The following RANBP2 variants were observed in gnomAD, a reference collection of about 807,000 sequenced individuals.
The protein encoded by RANBP2 is E3 SUMO-protein ligase RanBP2.
Under a neutral mutation model 303.6 loss-of-function variants are expected in RANBP2, and 57 were observed. The observed-to-expected ratio is 0.19, with a 90% CI of 0.15 to 0.23. RANBP2 has a LOEUF of 0.23. Ranked by LOEUF, RANBP2 falls within the 10% of genes least tolerant of loss-of-function variation. The probability of loss-of-function intolerance (pLI) is 1.00; values close to 1 mark genes in which losing one functional copy is unlikely to be tolerated. For missense variants in RANBP2, 3,138 were observed against 3,780.8 expected (o/e 0.83, Z 4.46); for synonymous variants, 1,167 against 1,301.5 (o/e 0.90, Z 2.23).
chr2:108,810,288 A>G, the RANBP2 span, among the ~76,000 whole-genome samples: 1 of 152,178 alleles, frequency 6.6e-6, no homozygotes, highest in Non-Finnish European at 1.5e-5. Flanking sequence ...TTTGTTATAT[A>G]TAGCTTTTAA....
chr2:109,639,901 G>A, the RANBP2 span, among the ~76,000 whole-genome samples: 1 of 151,398 alleles, frequency 6.6e-6, no homozygotes, highest in Admixed American at 6.6e-5. Context: ...AGTAGAGATA[G>A]GGTTTCACCA....
chr2:109,409,103 G>A, the RANBP2 span, among the ~76,000 whole-genome samples: 1 of 152,180 alleles, frequency 6.6e-6, no homozygotes, highest in South Asian at 2.1e-4. Flanking sequence ...AACTGGAGTC[G>A]GGTTGTGGAT....
At chr2:109,587,129 G>GA in the RANBP2 span, among the ~76,000 whole-genome samples, 1 of 152,242 alleles carries the variant, frequency 6.6e-6, no homozygotes, top group East Asian at 1.9e-4. Flanking sequence ...GAATCTACAG[G>GA]AAAAAGATGG....
chr2:109,416,559 A>G, the RANBP2 span, among the ~76,000 whole-genome samples: 1 of 151,608 alleles, frequency 6.6e-6, no homozygotes, highest in African/African-American at 2.4e-5. Flanking sequence ...TAATTTTTGT[A>G]TTTTTAGTAG....
the RANBP2 span, among the ~76,000 whole-genome samples, chr2:108,954,606 GTC>G: frequency 6.6e-6 from 1 of 151,876 alleles, no homozygotes; most frequent in African/African-American, 2.4e-5. Context: ...TGAATTCTGT[GTC>G]TCTGTCTGCT....
chr2:109,735,934 G>A, the RANBP2 span, among the ~76,000 whole-genome samples: 4 of 152,140 alleles, frequency 2.6e-5, no homozygotes, highest in Non-Finnish European at 5.9e-5. Context: ...AAATTGCAAA[G>A]CCTCAACATG....
chr2:109,280,153 C>G, the RANBP2 span, among the ~76,000 whole-genome samples: 3 of 152,216 alleles, frequency 2.0e-5, no homozygotes, highest in South Asian at 6.2e-4. Flanking sequence ...CTGTCAGAAT[C>G]ATAAAGAGCT....
the RANBP2 span, among the ~76,000 whole-genome samples, chr2:108,981,292 G>A: frequency 6.6e-6 from 1 of 152,286 alleles, no homozygotes; most frequent in African/African-American, 2.4e-5. Context: ...TCTTTCCAGA[G>A]CCGCACCCGC....
chr2:109,142,729 C>T, the RANBP2 span, among the ~76,000 whole-genome samples: 9 of 152,162 alleles, frequency 5.9e-5, no homozygotes, highest in Admixed American at 1.3e-4. Context: ...ATTTTCTGAT[C>T]GTTGGTGTCC....
the RANBP2 span, among the ~76,000 whole-genome samples, chr2:109,611,042 G>A: frequency 6.6e-6 from 1 of 152,132 alleles, no homozygotes; most frequent in African/African-American, 2.4e-5. Flanking sequence ...ACACAAATAT[G>A]CTCAACTGAC....
chr2:109,128,746 C>T, the RANBP2 span: 2 of 181,296 alleles, frequency 1.1e-5, no homozygotes, highest in Non-Finnish European at 2.3e-5. Context: ...AACTTTCCTT[C>T]GCAGCAGCGT....
chr2:109,646,170 G>A, the RANBP2 span, among the ~76,000 whole-genome samples: 2 of 152,060 alleles, frequency 1.3e-5, no homozygotes, highest in Non-Finnish European at 2.9e-5. Flanking sequence ...CTTCTCCCAG[G>A]TGACTGTCCC....
At chr2:109,764,531 G>A in the RANBP2 span, among the ~76,000 whole-genome samples, 749 of 149,936 alleles carry the variant, frequency 5.0e-3, 28 homozygotes, top group Middle Eastern at 0.024. Flanking sequence ...TAAGGCGTAG[G>A]TTGTACATAT....
Position 108,765,322 on chromosome 2 carries a change from C to T in RANBP2, c.4783C>T (p.Pro1595Ser), listed in dbSNP as rs2149276879. ...TGGTACTTCAGAGACAAGCAAGGCT[C>T]CAAAGAGCGGATTTGAGGGAATGTT... ...KFGTSETSKAPKSGFEGMFTK... is the reference protein window; with the variant it reads ...KFGTSETSKASKSGFEGMFTK... Residue 1595 changes from proline (P) to serine (S), a missense_variant, in exon 20 of 29, where the codon CCA (proline) becomes TCA (serine). Coordinates refer to ENST00000283195, the MANE Select transcript of RANBP2 (RefSeq NM_006267.5). The T allele has an allele frequency of 1.2e-6, 2 of 1,613,794 alleles. No homozygotes were observed.
At chr2:108,947,432 A>C in the RANBP2 span, among the ~76,000 whole-genome samples, 8 of 151,580 alleles carry the variant, frequency 5.3e-5, no homozygotes, top group African/African-American at 1.9e-4. Context: ...CCCAGTGGGG[A>C]CTCTGTGTGG....
At chr2:109,043,485 G>A in the RANBP2 span, among the ~76,000 whole-genome samples, 1 of 152,156 alleles carries the variant, frequency 6.6e-6, no homozygotes, top group African/African-American at 2.4e-5. Context: ...TGGGACTACA[G>A]GCGCAAGCCA....
At chr2:108,828,414 G>C in the RANBP2 span, among the ~76,000 whole-genome samples, 1 of 152,116 alleles carries the variant, frequency 6.6e-6, no homozygotes, top group Non-Finnish European at 1.5e-5. Context: ...ACCATAAAAA[G>C]AACAAAGTTA....
At chr2:108,798,699 C>G in the RANBP2 span, 2 of 691,194 alleles carry the variant, frequency 2.9e-6, no homozygotes, top group Non-Finnish European at 4.8e-6. Context: ...TCCTCCTCCT[C>G]TCCACGCCTA....
chr2:108,876,332 C>A, the RANBP2 span: 8 of 777,872 alleles, frequency 1.0e-5, no homozygotes, highest in South Asian at 3.0e-5. Context: ...TACAATTCTA[C>A]CAAGTAAAGT....
Sources: gnomAD v4.1 joint callset for allele counts (sites outside exome capture counted in the v4.1 genomes callset) on GRCh38, gnomAD v4.1.1 for gene constraint, MANE v1.5 for transcripts, NCBI Gene and HGNC (gene_info 2026-07-23, HGNC 2026-07-21) for gene names.